ACIN1: variants seen among roughly 807,000 people sequenced by gnomAD.
ACIN1 encodes the protein apoptotic chromatin condensation inducer in the nucleus.
ACIN1 carries 16 observed loss-of-function variants against 146.6 expected under a neutral mutation model. The ratio of observed to expected loss-of-function variants is 0.11; its 90% CI spans 0.07 to 0.17. The LOEUF (loss-of-function observed/expected upper bound fraction) is 0.17. Ranked by LOEUF, ACIN1 falls within the 10% of genes least tolerant of loss-of-function variation. The pLI, the probability that ACIN1 is intolerant of heterozygous loss-of-function variation, is 1.00. For synonymous variants in ACIN1, 569 were observed against 582.7 expected, an observed-to-expected ratio of 0.98 and a Z score of 0.34; for missense variants, 1,357 against 1,609.3, an observed-to-expected ratio of 0.84 and a Z score of 2.68.
intron 8 of ACIN1, among the ~76,000 whole-genome samples, chr14:23,077,186 A>G (rs1310727879): frequency 6.6e-6 from 1 of 152,194 alleles, no homozygotes; most frequent in African/African-American, 2.4e-5. Context: ...TACCCTCCAA[A>G]AGTCAGAGTT....
intron 4 of ACIN1, among the ~76,000 whole-genome samples, chr14:23,088,437 G>C (rs1056026966): frequency 6.6e-6 from 1 of 152,140 alleles, no homozygotes; most frequent in Non-Finnish European, 1.5e-5. Context: ...CTTAAAACTA[G>C]ACTCAAAGGC....
At chr14:23,083,728 C>T (rs1242828627) in intron 4 of ACIN1, among the ~76,000 whole-genome samples, 1 of 151,250 alleles carries the variant, frequency 6.6e-6, no homozygotes, top group East Asian at 1.9e-4. Flanking sequence ...GACTCCGTCT[C>T]AAAAAAACAA....
Position 23,079,926 on chromosome 14 carries a change from G to A in ACIN1, c.1409C>T (p.Pro470Leu), listed in dbSNP as rs2140153452. The change falls in exon 6 of 19, where the codon CCC becomes CTC. Residue 470 changes from proline to leucine, a missense_variant. Pro to Leu is a moderately conservative substitution (Grantham distance 98). Transcript: ENST00000605057. ...TAATTCCTCAATTTTTAGAGGGAGG[G>A]GCTGAGCAGATCTGTCTGACTCAGG... ...LEPESDRSAQ[P>L]LPLKIEELAL... is the part of the protein sequence containing the mutation. The A allele has an allele frequency of 3.1e-6, 5 of 1,614,094 alleles. No homozygotes were observed. Among genetic ancestry groups the A allele is most frequent in the Non-Finnish European group, 4.2e-6 (5 of 1,180,020 alleles).
rs1030005921 is a variant in ACIN1 at position 23,061,452 on chromosome 14, T to C, written c.3270A>G (p.Glu1090=). Residue 1090 remains glutamate, a synonymous_variant, in exon 17 of 19, where the codon GAA becomes GAG. Transcript: ENST00000605057. ...QERAVREQWA[E]REREMERRER... ...CCCGCCGCTCCATTTCCCGTTCCCG[T>C]TCTGCCCACTGTTCCCGCACTGCCC... The C allele has an allele frequency of 1.2e-6, 2 of 1,613,492 alleles. No individual in the cohort carries two copies. Among genetic ancestry groups the C allele is most frequent in the Non-Finnish European group, 1.7e-6 (2 of 1,179,844 alleles).
intron 8 of ACIN1, among the ~76,000 whole-genome samples, chr14:23,074,137 C>T (rs575975108): frequency 9.9e-5 from 15 of 151,792 alleles, no homozygotes; most frequent in African/African-American, 3.6e-4. Flanking sequence ...CATGCCCGGC[C>T]GAAAATTTCT....
chr14:23,070,207 G>GGGTGC (rs1344951298), intron 8 of ACIN1, among the ~76,000 whole-genome samples: 1 of 150,492 alleles, frequency 6.6e-6, no homozygotes, highest in African/African-American at 2.4e-5. Context: ...GGGGGGTGGG[G>GGGTGC]GGTGCGGGGC....
chr14:23,080,493 C>A lies in ACIN1; in HGVS notation c.842G>T (p.Arg281Ile). ...QEQEVLERGG[R>I]FTRSQEEARK... ...AGCCTCTTCCTGGGATCTTGTAAAT[C>A]TCCCTCCTCTCTCTAACACCTCCTG... The change falls in exon 6 of 19, where the codon AGA becomes ATA. Residue 281 changes from arginine (R) to isoleucine (I), a missense_variant. By Grantham distance (97) the Arg-to-Ile change is moderately conservative (BLOSUM62 -3). Transcript: ENST00000605057. 1 of 1,614,100 alleles carries A rather than the reference C, an allele frequency of 6.2e-7. No homozygotes were observed. The highest frequency in any genetic ancestry group is 8.5e-7 in the Non-Finnish European group (1 of 1,180,016).
At chr14:23,090,396 G>A in intron 3 of ACIN1, 126 bp downstream of exon 3, 1 of 916,558 alleles carries the variant, frequency 1.1e-6, no homozygotes. Flanking sequence ...CATGGGCTAT[G>A]AAAGCAAGTA....
chr14:23,070,224 T>A (rs955101730), intron 8 of ACIN1, among the ~76,000 whole-genome samples: 2 of 16,832 alleles, frequency 1.2e-4, no homozygotes, highest in African/African-American at 2.5e-4. Context: ...GGGCGGGGGG[T>A]GGGAGCTGCA....
At chr14:23,077,301 T>C (rs916063629) in intron 8 of ACIN1, among the ~76,000 whole-genome samples, 1 of 152,112 alleles carries the variant, frequency 6.6e-6, no homozygotes, top group Non-Finnish European at 1.5e-5. Flanking sequence ...AAAACAAGTA[T>C]AGAATAACTT....
Position 23,061,971 on chromosome 14 carries a change from C to CAAAAAAAA in ACIN1, c.3099+189_3099+196dup, listed in dbSNP as rs57962360. ...CCTGGGAGACAGCGAGACTCTGTCTCAAAAAAAAAAAAAAAAAAAAAAGGA... is the reference window on the plus strand; with the variant it reads ...CCTGGGAGACAGCGAGACTCTGTCTCAAAAAAAAAAAAAAAAAAAAAAAAAAAAAAGGA... On this transcript the variant is annotated intron_variant, in intron 16 of 18. Coordinates refer to ENST00000605057, the MANE Select transcript of ACIN1 (RefSeq NM_001386863.1). Among the ~76,000 whole-genome samples the CAAAAAAAA allele has an allele frequency of 4.0e-3, 238 of 59,110 alleles. 9 individuals carry two copies. Among genetic ancestry groups the CAAAAAAAA allele is most frequent in the African/African-American group, 0.016 (219 of 13,624 alleles). 38.8% of individuals were successfully genotyped at this position (59,110 alleles called of 152,430 possible). A position where few individuals can be genotyped will look rare whatever the true frequency, so the allele number is the denominator to read the frequency against.
chr14:23,078,799 G>T (rs759023331), intron 7 of ACIN1, 21 bp downstream of exon 7: 1 of 1,607,764 alleles, frequency 6.2e-7, no homozygotes, highest in South Asian at 1.1e-5. Flanking sequence ...CTCTGTGTAG[G>T]GAGGGGTCAC....
intron 18 of ACIN1, among the ~76,000 whole-genome samples, chr14:23,059,956 G>GTTTTTTTTTTTTTTTTTT (rs397830741): frequency 1.0e-5 from 1 of 100,136 alleles, no homozygotes; most frequent in African/African-American, 4.1e-5. Context: ...CGCCCCGCCA[G>GTTTTTTTTTTTTTTTTTT]TTTTTTTTTT....
In ACIN1 at chr14:23,095,095, C is replaced by T; in HGVS notation, c.18G>A (p.Glu6=). The change falls in exon 1 of 19, where the codon GAG becomes GAA. Residue 6 remains glutamate (E), a synonymous_variant. Transcript: ENST00000605057. MAELE[E]VTLDGKPLQA... is the part of the protein sequence containing the mutation. ...GAAGAGGCTTCCCGTCCAGAGTCACCTCCTCCAGCTCCGCCATCTTGCGTG... is the reference window on the plus strand; with the variant it reads ...GAAGAGGCTTCCCGTCCAGAGTCACTTCCTCCAGCTCCGCCATCTTGCGTG... 1.2e-6 allele frequency: 2 copies of T among 1,614,226 alleles called. No homozygotes were observed. Among genetic ancestry groups the T allele is most frequent in the Non-Finnish European group, 1.7e-6 (2 of 1,180,020 alleles).
At chr14:23,071,904 A>C (rs1341360825) in intron 8 of ACIN1, among the ~76,000 whole-genome samples, 1 of 152,238 alleles carries the variant, frequency 6.6e-6, no homozygotes, top group Non-Finnish European at 1.5e-5. Context: ...AAAAGGATTA[A>C]ATAAGAACGA....
intron 8 of ACIN1, among the ~76,000 whole-genome samples, chr14:23,071,844 CTAGAAAATA>C (rs1315921404): frequency 6.6e-6 from 1 of 151,990 alleles, no homozygotes; most frequent in Non-Finnish European, 1.5e-5. Flanking sequence ...TTGGAAGATT[CTAGAAAATA>C]GAGAGAATAG....
At chr14:23,087,442 CTTT>C (rs78090655) in intron 4 of ACIN1, among the ~76,000 whole-genome samples, 2 of 139,684 alleles carry the variant, frequency 1.4e-5, no homozygotes, top group Non-Finnish European at 1.5e-5. Flanking sequence ...TATTTTTCAC[CTTT>C]TTTTTTTTTT....
Position 23,089,979 on chromosome 14 carries a change from T to C in ACIN1, c.436+3A>G, listed in dbSNP as rs199775433. Reference sequence around the variant, plus strand: ...ACAGCGCAGTGGGGAGGGAGATACGTACTGGGCGAATGTCTGCTGAGCTCC... The same window carrying C: ...ACAGCGCAGTGGGGAGGGAGATACGCACTGGGCGAATGTCTGCTGAGCTCC... On this transcript the variant is annotated splice_donor_region_variant and intron_variant, in intron 4 of 18. Transcript: ENST00000605057. The C allele has an allele frequency of 6.2e-7, 1 of 1,609,392 alleles. No individual in the cohort carries two copies. The highest frequency in any genetic ancestry group is 2.2e-5 in the East Asian group (1 of 44,850).
At chr14:23,063,127 T>G in intron 13 of ACIN1, 53 bp from the exon 14 acceptor site, 1 of 1,530,844 alleles carries the variant, frequency 6.5e-7, no homozygotes, top group Non-Finnish European at 8.8e-7. Context: ...ACTGGCTCTT[T>G]TCACCCTCAA....
Sources: gnomAD v4.1 joint callset for allele counts (sites outside exome capture counted in the v4.1 genomes callset) on GRCh38, gnomAD v4.1.1 for gene constraint, MANE v1.5 for transcripts, NCBI Gene and HGNC (gene_info 2026-07-23, HGNC 2026-07-21) for gene names.